The following PDE3A variants were observed in gnomAD, a reference collection of about 807,000 sequenced individuals.
The protein encoded by PDE3A is cGMP-inhibited 3',5'-cyclic phosphodiesterase 3A.
Under a neutral mutation model 98.3 loss-of-function variants are expected in PDE3A, and 43 were observed. The observed-to-expected ratio is 0.44, with a 90% confidence interval of 0.34 to 0.56. The LOEUF (loss-of-function observed/expected upper bound fraction) is 0.56. Among genes scored for constraint, PDE3A ranks in the 20% least tolerant of loss-of-function variants. The pLI is 0.01. For synonymous variants in PDE3A, 663 were observed against 567.9 expected (o/e 1.17, Z -2.38); for missense variants, 1,427 against 1,440.7 (o/e 0.99, Z 0.15).
chr12:20,395,422 A>G (rs929723408), intron 1 of PDE3A, among the ~76,000 whole-genome samples: 1 of 150,916 alleles, frequency 6.6e-6, no homozygotes, highest in African/African-American at 2.4e-5. Flanking sequence ...ATATTTCTTT[A>G]CAGTTTAATG....
intron 6 of PDE3A, among the ~76,000 whole-genome samples, chr12:20,632,227 T>C (rs1944396889): frequency 6.6e-6 from 1 of 152,180 alleles, no homozygotes; most frequent in African/African-American, 2.4e-5. Flanking sequence ...CTGACAGATT[T>C]AATAATTAGA....
At chr12:20,579,049 GTGT>G (rs1197105085) in intron 2 of PDE3A, among the ~76,000 whole-genome samples, 1 of 151,796 alleles carries the variant, frequency 6.6e-6, no homozygotes, top group East Asian at 1.9e-4. Flanking sequence ...TGTCCTTTAG[GTGT>G]TGTGCTTCTC....
intron 1 of PDE3A, among the ~76,000 whole-genome samples, chr12:20,537,576 G>A (rs368782080): frequency 9.1e-4 from 139 of 151,970 alleles, no homozygotes; most frequent in Middle Eastern, 3.4e-3. Flanking sequence ...TTTCCAAACC[G>A]TGCTCTGTGG....
chr12:20,584,764 T>A (rs987398925), intron 2 of PDE3A, among the ~76,000 whole-genome samples: 1 of 152,162 alleles, frequency 6.6e-6, no homozygotes, highest in African/African-American at 2.4e-5. Flanking sequence ...CCATCTCAAG[T>A]GTGCCGTTAA....
At chr12:20,517,772 C>T (rs1348599686) in intron 1 of PDE3A, among the ~76,000 whole-genome samples, 2 of 152,158 alleles carry the variant, frequency 1.3e-5, no homozygotes, top group Non-Finnish European at 2.9e-5. Context: ...GCCATTTTCT[C>T]TTATCCCTGC....
chr12:20,402,833 G>A (rs1944158146), intron 1 of PDE3A, among the ~76,000 whole-genome samples: 1 of 152,104 alleles, frequency 6.6e-6, no homozygotes, highest in South Asian at 2.1e-4. Flanking sequence ...ACAGGATTAT[G>A]TTGCTATAAT....
chr12:20,554,890 A>T (rs1443470002), intron 1 of PDE3A, among the ~76,000 whole-genome samples: 2 of 152,230 alleles, frequency 1.3e-5, no homozygotes, highest in Non-Finnish European at 2.9e-5. Flanking sequence ...GTTAGCACAC[A>T]TACGTATATT....
chr12:20,644,070 C>G (rs530391858), intron 10 of PDE3A, among the ~76,000 whole-genome samples: 6 of 151,780 alleles, frequency 4.0e-5, no homozygotes, highest in African/African-American at 1.5e-4. Context: ...ATAGTAACTA[C>G]TGGCATATAG....
chr12:20,587,985 G>A (rs1030108738), intron 2 of PDE3A, among the ~76,000 whole-genome samples: 1 of 152,188 alleles, frequency 6.6e-6, no homozygotes, highest in Non-Finnish European at 1.5e-5. Context: ...TGCTAAAGCT[G>A]TTTCTTAAAA....
rs960118229 is a variant in PDE3A, at chr12:20,688,022, A to C, written c.*7751A>C. On this transcript the variant is annotated 3_prime_UTR_variant, in exon 16 of 16. Coordinates refer to ENST00000359062, the MANE Select transcript of PDE3A (RefSeq NM_000921.5). ...AAACCAGAGAGTATTTAATTAACTA[A>C]ATTTACTGTTTCTGAAAAGCAATAT... is the stretch of plus-strand genomic sequence containing the variant. Among the ~76,000 whole-genome samples, 6 of 151,918 alleles carry C rather than the reference A, an allele frequency of 3.9e-5. No individual in the cohort carries two copies. The highest frequency in any genetic ancestry group is 1.2e-4 in the African/African-American group (5 of 41,396).
intron 2 of PDE3A, among the ~76,000 whole-genome samples, chr12:20,576,729 ATCT>A (rs1942940282): frequency 6.6e-6 from 1 of 152,144 alleles, no homozygotes; most frequent in Non-Finnish European, 1.5e-5. Flanking sequence ...AAGTAGAACA[ATCT>A]TCTTGTCAGT....
At chr12:20,532,683 C>T (rs1232358372) in intron 1 of PDE3A, among the ~76,000 whole-genome samples, 1 of 120,988 alleles carries the variant, frequency 8.3e-6, no homozygotes, top group African/African-American at 3.0e-5. Flanking sequence ...ATTAGTTTCT[C>T]TCTCTTTTTT....
chr12:20,481,581 A>T (rs1327689610), intron 1 of PDE3A, among the ~76,000 whole-genome samples: 1 of 152,100 alleles, frequency 6.6e-6, no homozygotes, highest in Non-Finnish European at 1.5e-5. Context: ...CATATAGAGT[A>T]ACACAATGAA....
chr12:20,518,237 T>A lies in PDE3A; in HGVS notation c.961-38423T>A, dbSNP rs58033533. Among the ~76,000 whole-genome samples the A allele has an allele frequency of 1.5e-3, 228 of 152,308 alleles. 1 individual carries two copies. The highest frequency in any genetic ancestry group is 5.2e-3 in the African/African-American group (217 of 41,574). On this transcript the variant is annotated intron_variant, in intron 1 of 15. Coordinates refer to ENST00000359062, the MANE Select transcript of PDE3A (RefSeq NM_000921.5). ...AAGAGAGATCTTCTCAATATTCAAATGTATTACAGGCATAGAAAATTTTTT... is the reference window on the plus strand; with the variant it reads ...AAGAGAGATCTTCTCAATATTCAAAAGTATTACAGGCATAGAAAATTTTTT...
At chr12:20,516,199 C>T (rs1345257459) in intron 1 of PDE3A, among the ~76,000 whole-genome samples, 1 of 152,018 alleles carries the variant, frequency 6.6e-6, no homozygotes, top group Non-Finnish European at 1.5e-5. Context: ...CTTACTCAGA[C>T]TCATTCAAAA....
intron 1 of PDE3A, among the ~76,000 whole-genome samples, chr12:20,490,284 A>G (rs941966954): frequency 6.6e-6 from 1 of 152,144 alleles, no homozygotes; most frequent in African/African-American, 2.4e-5. Flanking sequence ...AAAAATGGAT[A>G]TTGAAATTTC....
chr12:20,403,182 C>T (rs1181443121), intron 1 of PDE3A, among the ~76,000 whole-genome samples: 1 of 152,110 alleles, frequency 6.6e-6, no homozygotes, highest in Non-Finnish European at 1.5e-5. Flanking sequence ...TGAATTATTG[C>T]AAAATGCAAC....
At chr12:20,380,015 T>C (rs1293567992) in intron 1 of PDE3A, among the ~76,000 whole-genome samples, 1 of 151,836 alleles carries the variant, frequency 6.6e-6, no homozygotes, top group Non-Finnish European at 1.5e-5. Flanking sequence ...TCAAGTGTTT[T>C]TCACATTCAA....
intron 15 of PDE3A, among the ~76,000 whole-genome samples, chr12:20,658,823 T>TA (rs1478637238): frequency 1.3e-5 from 2 of 152,208 alleles, no homozygotes; most frequent in African/African-American, 4.8e-5. Flanking sequence ...GGAGAAGATT[T>TA]ATCTATATTC....
Sources: allele counts gnomAD v4.1 joint callset (sites outside exome capture counted in the v4.1 genomes callset), GRCh38; gene constraint gnomAD v4.1.1; transcripts MANE v1.5; gene names NCBI Gene and HGNC (gene_info 2026-07-23, HGNC 2026-07-21).